KCNJ3: variants seen among roughly 807,000 people sequenced by gnomAD.
KCNJ3 encodes potassium inwardly rectifying channel subfamily J member 3.
A neutral mutation model predicts 39.2 loss-of-function variants in KCNJ3; 4 were observed. That is an observed-to-expected ratio of 0.10 (90% CI 0.05 to 0.23). KCNJ3 has a LOEUF of 0.23. Ranked by LOEUF, KCNJ3 falls within the 10% of genes least tolerant of loss-of-function variation. The pLI, the probability that KCNJ3 is intolerant of heterozygous loss-of-function variation, is 1.00. For missense variants in KCNJ3, 276 were observed against 634.9 expected (o/e 0.43, Z 6.08); for synonymous variants, 230 against 237.4 (o/e 0.97, Z 0.29).
At chr2:154,702,777 A>G (rs1165852327) in intron 1 of KCNJ3, among the ~76,000 whole-genome samples, 1 of 151,944 alleles carries the variant, frequency 6.6e-6, no homozygotes, top group Non-Finnish European at 1.5e-5. Context: ...TTGAATTATA[A>G]ATATAGCTAT....
chr2:154,756,081 G>A (rs993765019), intron 2 of KCNJ3, among the ~76,000 whole-genome samples: 6 of 151,966 alleles, frequency 3.9e-5, no homozygotes, highest in Non-Finnish European at 8.8e-5. Context: ...ATATCCAGAC[G>A]GGTTTAGATC....
At chr2:154,719,715 C>T (rs1214411807) in intron 2 of KCNJ3, among the ~76,000 whole-genome samples, 7 of 152,174 alleles carry the variant, frequency 4.6e-5, no homozygotes, top group South Asian at 2.1e-4. Flanking sequence ...TAATTTTACA[C>T]GGAGGCTAAC....
At chr2:154,848,523 ATTATT>A (rs1687701039) in intron 2 of KCNJ3, among the ~76,000 whole-genome samples, 2 of 152,144 alleles carry the variant, frequency 1.3e-5, no homozygotes, top group Admixed American at 6.5e-5. Context: ...TGATTCATTC[ATTATT>A]TTAATTCTTA....
intron 2 of KCNJ3, among the ~76,000 whole-genome samples, chr2:154,798,787 A>G (rs969734471): frequency 3.3e-5 from 5 of 152,190 alleles, no homozygotes; most frequent in Admixed American, 2.6e-4. Flanking sequence ...TTTAAAAGGC[A>G]GACTATTTTG....
At chr2:154,788,067 A>T (rs1394296098) in intron 2 of KCNJ3, among the ~76,000 whole-genome samples, 1 of 152,164 alleles carries the variant, frequency 6.6e-6, no homozygotes, top group Non-Finnish European at 1.5e-5. Flanking sequence ...ATTTCTATAA[A>T]ATGCATGAAA....
chr2:154,840,095 T>A (rs1453485767), intron 2 of KCNJ3, among the ~76,000 whole-genome samples: 1 of 152,196 alleles, frequency 6.6e-6, no homozygotes, highest in Non-Finnish European at 1.5e-5. Context: ...CTTTAATGCA[T>A]CTTGAATTAC....
At chr2:154,763,648 G>A (rs1412215345) in intron 2 of KCNJ3, among the ~76,000 whole-genome samples, 1 of 152,102 alleles carries the variant, frequency 6.6e-6, no homozygotes, top group Non-Finnish European at 1.5e-5. Flanking sequence ...GGAAAGCTAG[G>A]TTTTCCCCTT....
At chr2:154,762,395 C>T (rs955674955) in intron 2 of KCNJ3, among the ~76,000 whole-genome samples, 3 of 152,136 alleles carry the variant, frequency 2.0e-5, no homozygotes, top group Admixed American at 2.0e-4. Flanking sequence ...AGAGGAGGTT[C>T]AGTCTTACCA....
intron 2 of KCNJ3, among the ~76,000 whole-genome samples, chr2:154,796,248 A>C (rs1357362987): frequency 1.3e-5 from 2 of 152,142 alleles, no homozygotes; most frequent in African/African-American, 4.8e-5. Context: ...TGGCACTGAG[A>C]AGATGCAGTC....
At chr2:154,812,684 T>C (rs910370912) in intron 2 of KCNJ3, among the ~76,000 whole-genome samples, 3 of 152,176 alleles carry the variant, frequency 2.0e-5, no homozygotes, top group African/African-American at 4.8e-5. Context: ...CTTTCTGTTT[T>C]TTCATTCATA....
chr2:154,834,061 G>A (rs1034260647), intron 2 of KCNJ3, among the ~76,000 whole-genome samples: 4 of 152,094 alleles, frequency 2.6e-5, no homozygotes, highest in Non-Finnish European at 5.9e-5. Flanking sequence ...GTGCAACTGG[G>A]TAAATATCAA....
chr2:154,784,420 C>A (rs936455289), intron 2 of KCNJ3, among the ~76,000 whole-genome samples: 1 of 152,162 alleles, frequency 6.6e-6, no homozygotes, highest in Non-Finnish European at 1.5e-5. Flanking sequence ...CTCTGTAGCC[C>A]AGGCAGGAGT....
chr2:154,769,127 T>C (rs1374619252), intron 2 of KCNJ3, among the ~76,000 whole-genome samples: 1 of 152,232 alleles, frequency 6.6e-6, no homozygotes, highest in African/African-American at 2.4e-5. Flanking sequence ...TCATGTCATC[T>C]GCAAACAGGG....
chr2:154,804,089 G>T (rs918968372), intron 2 of KCNJ3, among the ~76,000 whole-genome samples: 1 of 151,930 alleles, frequency 6.6e-6, no homozygotes, highest in African/African-American at 2.4e-5. Flanking sequence ...AATGTTATTG[G>T]CTATTATAAA....
chr2:154,812,396 G>C (rs2105102609), intron 2 of KCNJ3, among the ~76,000 whole-genome samples: 1 of 152,182 alleles, frequency 6.6e-6, no homozygotes, highest in Middle Eastern at 3.4e-3. Context: ...AAAAAGAAGA[G>C]TTAGGACAAA....
chr2:154,855,145 C>G lies in KCNJ3; in HGVS notation c.1338C>G (p.Asn446Lys). The G allele has an allele frequency of 6.2e-7, 1 of 1,613,954 alleles. No homozygotes were observed. Among genetic ancestry groups the G allele is most frequent in the Non-Finnish European group, 8.5e-7 (1 of 1,179,934 alleles). The change falls in exon 3 of 3, where the codon AAC becomes AAG. Residue 446 changes from asparagine (N) to lysine (K), a missense_variant. Physicochemically the swap from Asn to Lys is moderately conservative, Grantham distance 94. Around this residue, in one of 4 missense-constraint regions of KCNJ3, gnomAD observed 126 missense variants for 179.8 expected, o/e 0.70. Coordinates refer to ENST00000295101, the MANE Select transcript of KCNJ3 (RefSeq NM_002239.4). ...AACGAATAAGTTCAGTTCCGGGCAA[C>G]TCAGAAGAAAAACTGGTATCTAAAA... ...KLQRISSVPG[N>K]SEEKLVSKTT...
intron 2 of KCNJ3, among the ~76,000 whole-genome samples, chr2:154,767,391 T>G (rs941282483): frequency 4.6e-5 from 7 of 151,784 alleles, no homozygotes; most frequent in Admixed American, 4.6e-4. Context: ...TGTGTCCAAG[T>G]GTTCTCATTG....
chr2:154,796,381 T>C (rs1371287433), intron 2 of KCNJ3, among the ~76,000 whole-genome samples: 2 of 152,198 alleles, frequency 1.3e-5, no homozygotes, highest in African/African-American at 4.8e-5. Flanking sequence ...CTAGACACTA[T>C]TGAAGTATTC....
At chr2:154,718,497 G>A (rs998011589) in intron 2 of KCNJ3, among the ~76,000 whole-genome samples, 1 of 152,176 alleles carries the variant, frequency 6.6e-6, no homozygotes, top group Non-Finnish European at 1.5e-5. Context: ...AACCAAGAAA[G>A]TCCTGTGCAA....
Sources: allele counts gnomAD v4.1 joint callset (sites outside exome capture counted in the v4.1 genomes callset), GRCh38; gene constraint gnomAD v4.1.1; regional missense constraint gnomAD v4.1.1; transcripts MANE v1.5; gene names NCBI Gene and HGNC (gene_info 2026-07-23, HGNC 2026-07-21).